Variants in MEAF6 observed in about 807,000 individuals in gnomAD.
MEAF6 encodes chromatin modification-related protein MEAF6.
Under a neutral mutation model 28.9 loss-of-function variants are expected in MEAF6, and 15 were observed. The ratio of observed to expected loss-of-function variants is 0.52; its 90% confidence interval spans 0.35 to 0.80. The LOEUF is 0.80. MEAF6 is among the 30% of genes least tolerant of loss of function. MEAF6 has a pLI of 0.01. For synonymous variants in MEAF6, 97 were observed against 88.7 expected, an observed-to-expected ratio of 1.09 and a Z score of -0.53; for missense variants, 178 against 237.5, an observed-to-expected ratio of 0.75 and a Z score of 1.65.
chr1:37,495,768 C>T (rs917355433), intron 6 of MEAF6, 117 bp downstream of exon 6: 33 of 881,986 alleles, frequency 3.7e-5, no homozygotes, highest in Middle Eastern at 4.6e-4. Context: ...ACACCCCAGA[C>T]TTTAAATCAA....
chr1:37,506,129 G>C (rs1469105826), intron 4 of MEAF6, among the ~76,000 whole-genome samples: 1 of 152,092 alleles, frequency 6.6e-6, no homozygotes, highest in African/African-American at 2.4e-5. Flanking sequence ...AAATTAGCTG[G>C]GCATGGTGGC....
chr1:37,504,056 T>C (rs1463815836), intron 4 of MEAF6, among the ~76,000 whole-genome samples: 2 of 152,176 alleles, frequency 1.3e-5, no homozygotes, highest in African/African-American at 4.8e-5. Flanking sequence ...AGAGAGCTGG[T>C]GGGAGGTGAC....
intron 5 of MEAF6, among the ~76,000 whole-genome samples, chr1:37,497,602 A>T (rs949747173): frequency 1.4e-5 from 2 of 147,482 alleles, no homozygotes; most frequent in African/African-American, 5.0e-5. Context: ...TTATTTATTT[A>T]TTTTTTGAGA....
intron 2 of MEAF6, among the ~76,000 whole-genome samples, chr1:37,509,834 T>C (rs1351659974): frequency 1.3e-5 from 2 of 152,190 alleles, no homozygotes; most frequent in Non-Finnish European, 2.9e-5. Flanking sequence ...TGGAGTGCAA[T>C]GGCAGAATCT....
intron 5 of MEAF6, among the ~76,000 whole-genome samples, chr1:37,498,617 C>T (rs1038211062): frequency 6.6e-6 from 1 of 151,388 alleles, no homozygotes; most frequent in African/African-American, 2.4e-5. Flanking sequence ...TTTGTAGAGA[C>T]GGGAGTCTCG....
chr1:37,500,242 C>T (rs1443196156), intron 5 of MEAF6, among the ~76,000 whole-genome samples: 2 of 151,960 alleles, frequency 1.3e-5, no homozygotes, highest in Non-Finnish European at 2.9e-5. Flanking sequence ...GCTGCAGGGG[C>T]TGAGATCGTG....
intron 2 of MEAF6, 93 bp downstream of exon 2, chr1:37,513,330 C>T: frequency 9.2e-6 from 8 of 866,698 alleles, no homozygotes; most frequent in Non-Finnish European, 1.3e-5. Flanking sequence ...TACTTTACTA[C>T]TGCCTCCAGC....
At chr1:37,506,081 G>A (rs1180259832) in intron 4 of MEAF6, among the ~76,000 whole-genome samples, 1 of 152,204 alleles carries the variant, frequency 6.6e-6, no homozygotes, top group Non-Finnish European at 1.5e-5. Context: ...GACCAGCCTG[G>A]CTAACAGAGT....
At chr1:37,504,410 C>CAAA (rs1642410567) in intron 4 of MEAF6, among the ~76,000 whole-genome samples, 1 of 152,066 alleles carries the variant, frequency 6.6e-6, no homozygotes, top group Non-Finnish European at 1.5e-5. Flanking sequence ...TTTCTTTAAA[C>CAAA]TTTTAATAGG....
Position 37,493,633 on chromosome 1 carries a change from T to C in MEAF6, c.*466A>G. The C allele has an allele frequency of 2.5e-6, 2 of 804,128 alleles. No individual in the cohort carries two copies. Among genetic ancestry groups the C allele is most frequent in the South Asian group, 1.6e-5 (1 of 60,868 alleles). The allele number at this position is 804,128 out of a possible 1,614,324, so 49.8% of individuals were successfully genotyped here. A position where few individuals can be genotyped will look rare whatever the true frequency, so the allele number is the denominator to read the frequency against. ...CAAAAAAACCCCAAAGAAAATAAGA[T>C]AAAAACAACAAGAGAAAAACAAGAA... On this transcript the variant is annotated 3_prime_UTR_variant, in exon 7 of 7. Transcript: ENST00000296214.
chr1:37,503,833 C>T (rs1004412680), intron 4 of MEAF6, among the ~76,000 whole-genome samples: 5 of 151,990 alleles, frequency 3.3e-5, no homozygotes, highest in Non-Finnish European at 5.9e-5. Context: ...TGGCGGCAGG[C>T]GCCTGTAATC....
Position 37,506,449 on chromosome 1 carries a change from G to A in MEAF6, c.340+2829C>T, listed in dbSNP as rs566888146. On this transcript the variant is annotated intron_variant, in intron 4 of 6. Coordinates refer to ENST00000296214, the MANE Select transcript of MEAF6 (RefSeq NM_001270875.3). ...AGTACAGAGCAGTGGCACAATCACT[G>A]CAGCCTTGACCTCCTGGGTTCAAGT... Among the ~76,000 whole-genome samples, 22 of 152,286 alleles carry A rather than the reference G, an allele frequency of 1.4e-4. No individual in the cohort carries two copies. In the South Asian group the frequency reaches 2.7e-3, roughly 19 times the overall value.
intron 4 of MEAF6, among the ~76,000 whole-genome samples, chr1:37,508,704 T>C (rs1185082907): frequency 2.0e-5 from 3 of 152,340 alleles, no homozygotes; most frequent in East Asian, 1.9e-4. Context: ...ATAAGATTTA[T>C]CAGTAATGAA....
chr1:37,506,368 A>G (rs1642482893), intron 4 of MEAF6, among the ~76,000 whole-genome samples: 1 of 152,094 alleles, frequency 6.6e-6, no homozygotes, highest in Admixed American at 6.5e-5. Context: ...AAATTGGACT[A>G]TAATTTTTTT....
At chr1:37,500,891 A>C (rs765305583) in intron 5 of MEAF6, 1 of 154,126 alleles carries the variant, frequency 6.5e-6, no homozygotes, top group Non-Finnish European at 1.5e-5. Flanking sequence ...GGAGGAGTAG[A>C]ACGAATGTAC....
rs1272380569 is a variant in MEAF6, at chr1:37,495,709, A to AC, written c.567+175_567+176insG. Among the ~76,000 whole-genome samples, 17 of 133,580 alleles carry AC rather than the reference A, an allele frequency of 1.3e-4. 1 individual carries two copies. The highest frequency in any genetic ancestry group is 2.6e-4 in the Non-Finnish European group (15 of 57,604). 87.6% of individuals were successfully genotyped at this position (133,580 alleles called of 152,430 possible). ...CAAAAAAAAAAAACAAAAAACAAAA[A>AC]AAAAAAAAAACAAAAAAACCACCTA... On this transcript the variant is annotated intron_variant, in intron 6 of 6. Coordinates refer to ENST00000296214, the MANE Select transcript of MEAF6 (RefSeq NM_001270875.3).
At chr1:37,503,109 CT>C (rs1419629235) in intron 4 of MEAF6, among the ~76,000 whole-genome samples, 17 of 148,466 alleles carry the variant, frequency 1.1e-4, no homozygotes, top group South Asian at 2.1e-4. Flanking sequence ...CACTTGGATA[CT>C]TTTTTTTTTA....
rs1641935463 is a variant in MEAF6, at chr1:37,491,713, A to AATAC, written c.*2385_*2386insGTAT. ...GATCCTGTCAATAAATAAATAAATA[A>AATAC]ATAAATAAATAAATAAAATATATAA... On this transcript the variant is annotated 3_prime_UTR_variant, in exon 7 of 7. Transcript: ENST00000296214. 6.7e-6 allele frequency among the ~76,000 whole-genome samples: 1 copy of AATAC among 150,354 alleles called. No individual in the cohort carries two copies. The highest frequency in any genetic ancestry group is 2.4e-5 in the African/African-American group (1 of 41,098).
rs1642020253 is a variant in MEAF6 at position 37,493,812 on chromosome 1, A to C, written c.*287T>G. ...CCAGCCAGTTTTGGGGGAGACATTC[A>C]TTCTAAGAAGGGAGAAACGCACAGT... On this transcript the variant is annotated 3_prime_UTR_variant, in exon 7 of 7. Coordinates refer to ENST00000296214, the MANE Select transcript of MEAF6 (RefSeq NM_001270875.3). 4.5e-6 allele frequency: 7 copies of C among 1,550,910 alleles called. No individual in the cohort carries two copies. Among genetic ancestry groups the C allele is most frequent in the Admixed American group, 3.9e-5 (2 of 50,780 alleles).
Sources: gnomAD v4.1 joint callset for allele counts (sites outside exome capture counted in the v4.1 genomes callset) on GRCh38, gnomAD v4.1.1 for gene constraint, MANE v1.5 for transcripts, NCBI Gene and HGNC (gene_info 2026-07-23, HGNC 2026-07-21) for gene names.